The following SLC35D1 variants were observed in gnomAD, a reference collection of about 807,000 sequenced individuals.
SLC35D1 encodes solute carrier family 35 member D1, also known as nucleotide sugar transporter SLC35D1.
Under a neutral mutation model 46.7 loss-of-function variants are expected in SLC35D1, and 31 were observed. The observed-to-expected ratio is 0.66, with a 90% CI of 0.50 to 0.90. The LOEUF is 0.90. Ranked by LOEUF, SLC35D1 falls within the 40% of genes least tolerant of loss-of-function variation. The probability of loss-of-function intolerance (pLI) is 0.00; values close to 1 mark genes in which losing one functional copy is unlikely to be tolerated. For synonymous variants in SLC35D1, 195 were observed against 164.6 expected (o/e 1.18, Z -1.41); for missense variants, 397 against 426.2 (o/e 0.93, Z 0.60).
intron 8 of SLC35D1, among the ~76,000 whole-genome samples, chr1:67,023,138 C>A (rs56774527): frequency 3.3e-5 from 5 of 152,120 alleles, no homozygotes; most frequent in Admixed American, 2.6e-4. Flanking sequence ...TTGAACCTTC[C>A]GTTACAAGTC....
the SLC35D1 span, chr1:66,986,535 C>T: frequency 7.9e-7 from 1 of 1,270,174 alleles, no homozygotes; most frequent in Non-Finnish European, 1.1e-6. Context: ...AAGGTTTGCA[C>T]TGAGAAATTA....
Position 67,042,307 on chromosome 1 carries a change from G to A in SLC35D1, c.658C>T (p.Leu220Phe), listed in dbSNP as rs1483058565. The change falls in exon 8 of 12, where the codon CTC becomes TTC. Residue 220 changes from leucine to phenylalanine, a missense_variant. By Grantham distance (22) the Leu-to-Phe change is conservative. Transcript: ENST00000235345. ...ATCATGAACAGTGCATTGTAATAGA[G>A]CAGTCCATATTTTCCCAGCTCCTAG... ...DSKELGKYGL[L>F]YYNALFMILP... 1.2e-6 allele frequency: 2 copies of A among 1,614,096 alleles called. No individual in the cohort carries two copies. The highest frequency in any genetic ancestry group is 1.7e-5 in the Admixed American group (1 of 60,026).
At chr1:66,997,941 A>G (rs1486168956), downstream of SLC35D1, among the ~76,000 whole-genome samples, 2 of 151,882 alleles carry the variant, frequency 1.3e-5, no homozygotes, top group Non-Finnish European at 2.9e-5. Context: ...GCTCAACATC[A>G]CTAATCATTA....
chr1:67,046,912 T>C (rs1035510295), intron 7 of SLC35D1, among the ~76,000 whole-genome samples: 1 of 152,160 alleles, frequency 6.6e-6, no homozygotes, highest in African/African-American at 2.4e-5. Flanking sequence ...CCTTCAAGTC[T>C]GCCCAAAGGT....
chr1:67,040,415 C>A (rs1482855787), intron 8 of SLC35D1, among the ~76,000 whole-genome samples: 1 of 152,148 alleles, frequency 6.6e-6, no homozygotes, highest in East Asian at 1.9e-4. Flanking sequence ...GTAATAACAC[C>A]TGCTTAGAAC....
intron 8 of SLC35D1, among the ~76,000 whole-genome samples, chr1:67,035,534 T>C (rs1246847186): frequency 2.0e-5 from 3 of 152,206 alleles, no homozygotes; most frequent in Non-Finnish European, 4.4e-5. Flanking sequence ...GTATCAGTTG[T>C]AACGTCTCCT....
At chr1:66,986,457 A>G in the SLC35D1 span, 168 of 1,610,064 alleles carry the variant, frequency 1.0e-4, 2 homozygotes, top group East Asian at 2.7e-3. Flanking sequence ...TCAAGAGCCA[A>G]TGCCTTTTTA....
intron 11 of SLC35D1, among the ~76,000 whole-genome samples, chr1:67,008,858 T>A (rs1667504922): frequency 6.6e-6 from 1 of 152,156 alleles, no homozygotes; most frequent in South Asian, 2.1e-4. Flanking sequence ...TCTGTCCACC[T>A]CAGCCTCCCA....
chr1:67,053,769 G>T, intron 1 of SLC35D1, 42 bp downstream of exon 1: 1 of 1,452,916 alleles, frequency 6.9e-7, no homozygotes, highest in Non-Finnish European at 9.1e-7. Context: ...GCCGCCGCCC[G>T]CTCCTCCTCC....
chr1:67,042,965 A>C (rs991580181), intron 7 of SLC35D1, among the ~76,000 whole-genome samples: 2 of 152,204 alleles, frequency 1.3e-5, no homozygotes, highest in African/African-American at 4.8e-5. Context: ...TGGGAGGCTG[A>C]GGCAGGCAGA....
intron 10 of SLC35D1, among the ~76,000 whole-genome samples, chr1:67,015,227 AC>A (rs200347825): frequency 8.6e-4 from 129 of 150,390 alleles, no homozygotes; most frequent in African/African-American, 1.9e-3. Context: ...AATTAAAAAA[AC>A]AAAAATAAAA....
the SLC35D1 span, among the ~76,000 whole-genome samples, chr1:66,992,096 C>A: frequency 6.6e-6 from 1 of 152,186 alleles, no homozygotes; most frequent in South Asian, 2.1e-4. Flanking sequence ...TATTTCAAAA[C>A]ACATCACAGC....
At chr1:66,993,871 C>T in the SLC35D1 span, among the ~76,000 whole-genome samples, 1 of 152,162 alleles carries the variant, frequency 6.6e-6, no homozygotes, top group African/African-American at 2.4e-5. Flanking sequence ...TCAAATATTA[C>T]CTTTTTGGAA....
In SLC35D1 at chr1:67,002,107, C is replaced by T. The variant is rs1422447447; in HGVS notation, c.*2233G>A. On this transcript the variant is annotated 3_prime_UTR_variant, in exon 12 of 12. Coordinates refer to ENST00000235345, the MANE Select transcript of SLC35D1 (RefSeq NM_015139.3). ...TACAACAAAAATTATTCAAACGTCCCTCCTTCATGTTGCTGACAGAAAGAA... is the reference window on the plus strand; with the variant it reads ...TACAACAAAAATTATTCAAACGTCCTTCCTTCATGTTGCTGACAGAAAGAA... 6.6e-6 allele frequency: 1 copy of T among 152,358 alleles called. No individual in the cohort carries two copies. The highest frequency in any genetic ancestry group is 2.4e-5 in the African/African-American group (1 of 41,456). The allele number at this position is 152,358 out of a possible 1,614,324, so 9.4% of individuals were successfully genotyped here.
intron 7 of SLC35D1, among the ~76,000 whole-genome samples, chr1:67,045,025 C>T (rs552997063): frequency 2.0e-5 from 3 of 151,556 alleles, no homozygotes; most frequent in South Asian, 2.1e-4. Flanking sequence ...CTCATGTGTA[C>T]GGCAGCAAAA....
the SLC35D1 span, among the ~76,000 whole-genome samples, chr1:66,976,166 G>A: frequency 1.3e-5 from 2 of 152,080 alleles, no homozygotes; most frequent in Admixed American, 6.5e-5. Flanking sequence ...ACCATGCCCG[G>A]CTAATTTTTG....
At chr1:66,992,515 G>A in the SLC35D1 span, among the ~76,000 whole-genome samples, 1 of 152,198 alleles carries the variant, frequency 6.6e-6, no homozygotes, top group African/African-American at 2.4e-5. Flanking sequence ...AAAATCCAAG[G>A]CAGAAAATGG....
In SLC35D1 at chr1:67,004,293, G is replaced by A. The variant is rs1447851991; in HGVS notation, c.*47C>T. 2.6e-6 allele frequency: 4 copies of A among 1,517,594 alleles called. No homozygotes were observed. The African/African-American group carries it at 5.5e-5, about 21-fold the overall frequency. The allele number at this position is 1,517,594 out of a possible 1,614,324, so 94.0% of individuals were successfully genotyped here. ...TCTGTAGGAACTGCCAGTGTTCTGA[G>A]TTGATTAAAAACTTAGGCCTACGTA... On this transcript the variant is annotated 3_prime_UTR_variant, in exon 12 of 12. Transcript: ENST00000235345.
At chr1:67,025,617 A>G (rs1667900289) in intron 8 of SLC35D1, among the ~76,000 whole-genome samples, 1 of 152,220 alleles carries the variant, frequency 6.6e-6, no homozygotes, top group Non-Finnish European at 1.5e-5. Flanking sequence ...AAATCTTCCC[A>G]TAGAGTTGGG....
Sources: gnomAD v4.1 joint callset for allele counts (sites outside exome capture counted in the v4.1 genomes callset) on GRCh38, gnomAD v4.1.1 for gene constraint, MANE v1.5 for transcripts, NCBI Gene and HGNC (gene_info 2026-07-23, HGNC 2026-07-21) for gene names.